The following ZNF385D variants were observed in gnomAD, a reference collection of about 807,000 sequenced individuals.
The protein encoded by ZNF385D is zinc finger protein 659.
ZNF385D carries 15 observed loss-of-function variants against 35.8 expected under a neutral mutation model. The ratio of observed to expected loss-of-function variants is 0.42; its 90% CI spans 0.28 to 0.64. The LOEUF (loss-of-function observed/expected upper bound fraction) is 0.64, where lower values mean the gene tolerates loss of function less well. Among genes scored for constraint, ZNF385D ranks in the 30% least tolerant of loss-of-function variants. The pLI is 0.23. For synonymous variants in ZNF385D, 212 were observed against 186.8 expected, an observed-to-expected ratio of 1.13 and a Z score of -1.10; for missense variants, 474 against 494.6, an observed-to-expected ratio of 0.96 and a Z score of 0.39.
At chr3:21,656,700 G>A (rs943939283) in intron 2 of ZNF385D, among the ~76,000 whole-genome samples, 1 of 151,864 alleles carries the variant, frequency 6.6e-6, no homozygotes, top group East Asian at 1.9e-4. Context: ...ATGAGAAGTA[G>A]ATGTCAGGAG....
chr3:22,179,732 A>C (rs1428949907), intron 2 of ZNF385D, among the ~76,000 whole-genome samples: 1 of 152,180 alleles, frequency 6.6e-6, no homozygotes, highest in African/African-American at 2.4e-5. Flanking sequence ...AGTTCTTTGA[A>C]ACCAATGAGA....
intron 3 of ZNF385D, among the ~76,000 whole-genome samples, chr3:22,167,910 A>C (rs1706441863): frequency 6.6e-6 from 1 of 152,190 alleles, no homozygotes; most frequent in African/African-American, 2.4e-5. Flanking sequence ...AAATCAAATA[A>C]ATGAAAACCA....
intron 3 of ZNF385D, among the ~76,000 whole-genome samples, chr3:22,039,854 C>T (rs557602284): frequency 5.9e-5 from 9 of 152,210 alleles, no homozygotes; most frequent in Non-Finnish European, 1.2e-4. Flanking sequence ...CTTTTCCACC[C>T]TTTTCTATGA....
intron 2 of ZNF385D, among the ~76,000 whole-genome samples, chr3:22,175,926 T>C (rs76348809): frequency 1.3e-5 from 2 of 149,054 alleles, no homozygotes; most frequent in East Asian, 1.9e-4. Context: ...ATATATAATA[T>C]ATAAAATCAT....
intron 3 of ZNF385D, among the ~76,000 whole-genome samples, chr3:22,029,083 G>A (rs1473933304): frequency 6.6e-6 from 1 of 152,048 alleles, no homozygotes; most frequent in African/African-American, 2.4e-5. Flanking sequence ...CTGGCCTAGA[G>A]GTCTTAGTTC....
At chr3:21,838,650 C>G (rs769100152) in intron 3 of ZNF385D, among the ~76,000 whole-genome samples, 5 of 152,038 alleles carry the variant, frequency 3.3e-5, no homozygotes, top group Non-Finnish European at 7.4e-5. Context: ...GGATAGCAAA[C>G]TGGCCTTATC....
At chr3:22,040,962 G>A (rs1442512756) in intron 3 of ZNF385D, among the ~76,000 whole-genome samples, 2 of 151,918 alleles carry the variant, frequency 1.3e-5, no homozygotes, top group African/African-American at 2.4e-5. Context: ...TTTTCTCAGT[G>A]TACAATTCAG....
At position 22,214,473 on chromosome 3, in the gene ZNF385D, C is replaced by T. The variant is rs180830733; in HGVS notation, c.107-45438G>A. Reference sequence around the variant, plus strand: ...AGAGATAACCTTAAACTCTGACCGCCGCTGAGCCAGGCGGAACAGAGCCAT... The same window carrying T: ...AGAGATAACCTTAAACTCTGACCGCTGCTGAGCCAGGCGGAACAGAGCCAT... On this transcript the variant is annotated intron_variant, in intron 2 of 5. Transcript: ENST00000494108. Among the ~76,000 whole-genome samples, 281 of 152,058 alleles carry T rather than the reference C, an allele frequency of 1.8e-3. 1 individual carries two copies. The highest frequency in any genetic ancestry group is 6.2e-3 in the African/African-American group (257 of 41,478).
intron 3 of ZNF385D, among the ~76,000 whole-genome samples, chr3:21,916,342 C>T (rs1021707256): frequency 1.3e-5 from 2 of 152,078 alleles, no homozygotes; most frequent in African/African-American, 4.8e-5. Flanking sequence ...TTTTGTTCTT[C>T]AAACTAACCC....
intron 2 of ZNF385D, among the ~76,000 whole-genome samples, chr3:21,578,879 T>G (rs898030072): frequency 6.6e-6 from 1 of 152,214 alleles, no homozygotes; most frequent in African/African-American, 2.4e-5. Flanking sequence ...ATATCATTGG[T>G]ATTTTGATAA....
chr3:21,457,099 G>C (rs899107544), intron 4 of ZNF385D, among the ~76,000 whole-genome samples: 1 of 152,068 alleles, frequency 6.6e-6, no homozygotes, highest in Non-Finnish European at 1.5e-5. Flanking sequence ...GTCTAGAATG[G>C]TTACCAAAAC....
At chr3:21,714,062 C>T (rs1262436503) in intron 1 of ZNF385D, among the ~76,000 whole-genome samples, 1 of 152,124 alleles carries the variant, frequency 6.6e-6, no homozygotes, top group Non-Finnish European at 1.5e-5. Context: ...GTTCTTTGCT[C>T]CCTTGGCTAA....
At chr3:21,551,912 T>A (rs2062579672) in intron 3 of ZNF385D, among the ~76,000 whole-genome samples, 1 of 152,102 alleles carries the variant, frequency 6.6e-6, no homozygotes, top group Non-Finnish European at 1.5e-5. Flanking sequence ...TAGGAAGGGT[T>A]AAAAAAATAT....
intron 1 of ZNF385D, among the ~76,000 whole-genome samples, chr3:21,748,343 C>G (rs1471474793): frequency 7.1e-6 from 1 of 140,906 alleles, no homozygotes; most frequent in Admixed American, 8.1e-5. Context: ...TTGTCCAGTC[C>G]CAAGGGGAAG....
intron 3 of ZNF385D, among the ~76,000 whole-genome samples, chr3:21,999,996 T>A (rs755494542): frequency 1.3e-5 from 2 of 152,010 alleles, no homozygotes; most frequent in African/African-American, 4.8e-5. Flanking sequence ...AATCCCCAAA[T>A]AGATTCAATC....
chr3:21,919,056 A>G (rs259508), intron 3 of ZNF385D, among the ~76,000 whole-genome samples: 42,010 of 152,082 alleles, frequency 0.28, 6,742 homozygotes, highest in Admixed American at 0.43. Context: ...TATCGTGGAC[A>G]TGGTCTTCTC....
chr3:21,833,044 C>G (rs1490572793), intron 3 of ZNF385D, among the ~76,000 whole-genome samples: 2 of 152,180 alleles, frequency 1.3e-5, no homozygotes, highest in African/African-American at 4.8e-5. Context: ...TATCATGACA[C>G]TTTCCACTCT....
intron 3 of ZNF385D, among the ~76,000 whole-genome samples, chr3:21,988,357 T>C (rs1161313881): frequency 4.0e-5 from 5 of 124,514 alleles, no homozygotes; most frequent in Non-Finnish European, 7.1e-5. Flanking sequence ...GGTGTGGATG[T>C]CCTTTCTGTT....
chr3:22,257,166 C>T lies in ZNF385D; in HGVS notation c.107-88131G>A, dbSNP rs142638968. On this transcript the variant is annotated intron_variant, in intron 2 of 5. Transcript: ENST00000494108. ...AATAACAATATACAGGCTTCTCAGT[C>T]TCACCAGAGAAAAATCTGCCCCCAT... 6.1e-3 allele frequency among the ~76,000 whole-genome samples: 928 copies of T among 151,888 alleles called. 32 individuals are homozygous for T. The highest frequency in any genetic ancestry group is 0.054 in the Admixed American group (826 of 15,206).
Sources: gnomAD v4.1 joint callset for allele counts (sites outside exome capture counted in the v4.1 genomes callset) on GRCh38, gnomAD v4.1.1 for gene constraint, MANE v1.5 for transcripts, NCBI Gene and HGNC (gene_info 2026-07-23, HGNC 2026-07-21) for gene names.